The following MDN1 variants were observed in gnomAD, a reference collection of about 807,000 sequenced individuals.
MDN1 encodes midasin AAA ATPase 1, also known as midasin.
Under a neutral mutation model 669.2 loss-of-function variants are expected in MDN1, and 266 were observed. The ratio of observed to expected loss-of-function variants is 0.40; its 90% CI spans 0.36 to 0.44. MDN1 has a LOEUF of 0.44. MDN1 is among the 20% of genes least tolerant of loss of function. The probability of loss-of-function intolerance (pLI) is 1.00; values close to 1 mark genes in which losing one functional copy is unlikely to be tolerated. For missense variants in MDN1, 5,940 were observed against 6,754.0 expected (o/e 0.88, Z 4.22); for synonymous variants, 2,385 against 2,457.1 (o/e 0.97, Z 0.87).
rs1194822827 is a variant in MDN1 at position 89,794,769 on chromosome 6, G to A, written c.362C>T (p.Pro121Leu). ...FALRYFKDTS[P>L]VFQRLFLESS... is the part of the protein sequence containing the mutation. ...CTCTAGGAAAAGTCTTTGAAAGACT[G>A]GGGATGTGTCCTTGAAATATCTCAG... The change falls in exon 3 of 102, where the codon CCA becomes CTA. Residue 121 changes from proline (P) to leucine (L), a missense_variant. Physicochemically the swap from Pro to Leu is moderately conservative, Grantham distance 98. Coordinates refer to ENST00000369393, the MANE Select transcript of MDN1 (RefSeq NM_014611.3). 6.2e-7 allele frequency: 1 copy of A among 1,614,194 alleles called. No individual in the cohort carries two copies. Among genetic ancestry groups the A allele is most frequent in the Non-Finnish European group, 8.5e-7 (1 of 1,180,006 alleles).
chr6:89,803,895 CTTTTTTTTTT>C (rs56246331), intron 1 of MDN1, among the ~76,000 whole-genome samples: 3 of 76,414 alleles, frequency 3.9e-5, no homozygotes, highest in East Asian at 4.4e-4. Context: ...CTTTTCTTTT[CTTTTTTTTTT>C]TTTTTTTTTT....
intron 11 of MDN1, among the ~76,000 whole-genome samples, chr6:89,778,842 C>T (rs573006147): frequency 5.3e-5 from 8 of 150,628 alleles, no homozygotes; most frequent in Admixed American, 2.7e-4. Flanking sequence ...GCCGAGATCA[C>T]GCCACTGCAC....
rs774569803 is a variant in MDN1, at chr6:89,692,680, C to T, written c.10350G>A (p.Pro3450=). The change falls in exon 63 of 102, where the codon CCG becomes CCA. Residue 3450 remains proline, a synonymous_variant. Transcript: ENST00000369393. ...AAGTGTCTGCATGAGCATAGTAAGT[C>T]GGGAAGGTGGGGCCCACCGATGGGA... The part of the protein sequence containing the change: ...LAFPSVGPTF[P]TYYAHADTLC... The T allele has an allele frequency of 6.8e-6, 11 of 1,614,038 alleles. No individual in the cohort carries two copies. The highest frequency in any genetic ancestry group is 1.7e-5 in the Admixed American group (1 of 60,000).
intron 35 of MDN1, among the ~76,000 whole-genome samples, chr6:89,730,024 T>C (rs1280100589): frequency 6.6e-6 from 1 of 152,078 alleles, no homozygotes; most frequent in Non-Finnish European, 1.5e-5. Flanking sequence ...ATCATTAACA[T>C]AGAGAGGGCG....
At chr6:89,790,550 T>G in intron 5 of MDN1, 149 bp from the exon 6 acceptor site, 1 of 966,096 alleles carries the variant, frequency 1.0e-6, no homozygotes, top group Non-Finnish European at 1.6e-6. Context: ...AGGTATGTCA[T>G]CTAAAGATCT....
chr6:89,816,356 C>A (rs1035676207), intron 1 of MDN1, among the ~76,000 whole-genome samples: 1 of 151,918 alleles, frequency 6.6e-6, no homozygotes, highest in Non-Finnish European at 1.5e-5. Context: ...GTTGAGATCG[C>A]GCCGCTGCAG....
rs1163497964 is a variant in MDN1 at position 89,683,871 on chromosome 6, T to C, written c.11863A>G (p.Ser3955Gly). ...ACAGATTGCTTAATGGACCAGAAGC[T>C]GACATCATTCCACTTGGAAATCTTA... The part of the protein sequence containing the change: ...FVKISKWNDV[S>G]FWSIKQSVEK... Residue 3955 changes from serine to glycine, a missense_variant, in exon 72 of 102, where the codon AGC becomes GGC. By Grantham distance (56) the Ser-to-Gly change is moderately conservative. Around this residue, in one of 5 missense-constraint regions of MDN1, gnomAD observed 2,280 missense variants for 2,576.3 expected, o/e 0.88. Transcript: ENST00000369393. The C allele has an allele frequency of 8.1e-6, 13 of 1,613,558 alleles. No individual in the cohort carries two copies. The highest frequency in any genetic ancestry group is 1.1e-5 in the Non-Finnish European group (13 of 1,179,724).
chr6:89,744,035 G>A (rs1306471244), intron 29 of MDN1, among the ~76,000 whole-genome samples: 9 of 149,430 alleles, frequency 6.0e-5, no homozygotes, highest in African/African-American at 1.5e-4. Context: ...CCTGGGAGGC[G>A]GAGGTTGTGG....
intron 31 of MDN1, among the ~76,000 whole-genome samples, chr6:89,742,061 G>A (rs555160033): frequency 9.2e-5 from 14 of 151,838 alleles, no homozygotes; most frequent in South Asian, 2.1e-4. Flanking sequence ...AGATCGCATC[G>A]CTGCACTCCA....
At position 89,681,739 on chromosome 6, in the gene MDN1, T is replaced by C. The variant is rs537975044; in HGVS notation, c.12103-988A>G. Among the ~76,000 whole-genome samples the C allele has an allele frequency of 2.6e-5, 4 of 152,266 alleles. No individual in the cohort carries two copies. The South Asian group carries it at 8.3e-4, about 32-fold the overall frequency. ...TTTTGAACCACTAAAATAACAAAAA[T>C]AGCTTAAGGACTTTCATTACTAACT... On this transcript the variant is annotated intron_variant, in intron 73 of 101. Coordinates refer to ENST00000369393, the MANE Select transcript of MDN1 (RefSeq NM_014611.3).
In MDN1 at chr6:89,652,329, C is replaced by T. The variant is rs115233100; in HGVS notation, c.15826-48G>A. The T allele has an allele frequency of 5.6e-4, 798 of 1,430,778 alleles. 3 individuals carry two copies. In the African/African-American group the frequency reaches 1.0e-2, roughly 18 times the overall value. The allele number at this position is 1,430,778 out of a possible 1,614,324, so 88.6% of individuals were successfully genotyped here. ...AAGAGGTGGCCCAGGTTGGAATCAC[C>T]AACTTAGTATCACTGGGTGTCTTCC... On this transcript the variant is annotated intron_variant, in intron 94 of 101. Transcript: ENST00000369393.
chr6:89,810,776 T>C (rs543723358), intron 1 of MDN1, among the ~76,000 whole-genome samples: 1 of 152,268 alleles, frequency 6.6e-6, no homozygotes, highest in South Asian at 2.1e-4. Context: ...GGTGGACAGA[T>C]CACTTGAGGT....
intron 1 of MDN1, among the ~76,000 whole-genome samples, chr6:89,806,822 G>A (rs997794420): frequency 6.6e-6 from 1 of 151,990 alleles, no homozygotes; most frequent in South Asian, 2.1e-4. Flanking sequence ...TGGAGAGTGA[G>A]GAGAGGATCA....
chr6:89,701,360 A>G (rs76976256), intron 55 of MDN1, among the ~76,000 whole-genome samples, 198 bp downstream of exon 55: 2 of 152,376 alleles, frequency 1.3e-5, no homozygotes, highest in African/African-American at 4.8e-5. Context: ...CATTTTATAT[A>G]AAAGTCTTGG....
chr6:89,702,939 T>C (rs899177558), intron 53 of MDN1, among the ~76,000 whole-genome samples: 40 of 54,438 alleles, frequency 7.3e-4, no homozygotes, highest in East Asian at 2.1e-3. Context: ...GTAAAGGCCC[T>C]TTTTTTTTTT....
At chr6:89,711,639 A>G (rs1320739080) in intron 49 of MDN1, among the ~76,000 whole-genome samples, 2 of 152,222 alleles carry the variant, frequency 1.3e-5, no homozygotes, top group Non-Finnish European at 2.9e-5. Context: ...TGGAACTAAA[A>G]TAAGATTAGA....
In MDN1 at chr6:89,657,409, T is replaced by G. The variant is rs143797737; in HGVS notation, c.15184-608A>C. 1.3e-3 allele frequency among the ~76,000 whole-genome samples: 202 copies of G among 152,358 alleles called. 1 individual carries two copies. Among genetic ancestry groups the G allele is most frequent in the African/African-American group, 4.8e-3 (199 of 41,590 alleles). ...CAGCAGGTCCTGCGTTGACATCCCA[T>G]GTTCTTTCCATAGCACCCAGCAACC... On this transcript the variant is annotated intron_variant, in intron 90 of 101. Transcript: ENST00000369393.
intron 1 of MDN1, among the ~76,000 whole-genome samples, chr6:89,804,230 T>C (rs1296309208): frequency 6.6e-6 from 1 of 152,092 alleles, no homozygotes; most frequent in East Asian, 1.9e-4. Context: ...ATGTAAATAA[T>C]ATTCATTTGC....
chr6:89,763,199 AAAAT>A (rs1817640432), intron 15 of MDN1, among the ~76,000 whole-genome samples: 1 of 152,202 alleles, frequency 6.6e-6, no homozygotes, highest in Admixed American at 6.5e-5. Flanking sequence ...AATCCAAGGA[AAAAT>A]AAATATCTGA....
Sources: gnomAD v4.1 joint callset for allele counts (sites outside exome capture counted in the v4.1 genomes callset) on GRCh38, gnomAD v4.1.1 for gene constraint, gnomAD v4.1.1 regional missense constraint, MANE v1.5 for transcripts, NCBI Gene and HGNC (gene_info 2026-07-23, HGNC 2026-07-21) for gene names.